GPM6A: variants seen among roughly 807,000 people sequenced by gnomAD.
GPM6A encodes the protein neuronal membrane glycoprotein M6-a.
In GPM6A, 7 loss-of-function variants were observed where a neutral mutation model predicts 32.1. The ratio of observed to expected loss-of-function variants is 0.22; its 90% CI spans 0.12 to 0.41. GPM6A has a LOEUF of 0.41. Ranked by LOEUF, GPM6A falls within the 10% of genes least tolerant of loss-of-function variation. GPM6A has a pLI of 1.00. For synonymous variants in GPM6A, 130 were observed against 123.4 expected (o/e 1.05, Z -0.35); for missense variants, 235 against 347.2 (o/e 0.68, Z 2.57).
intron 1 of GPM6A, among the ~76,000 whole-genome samples, chr4:175,819,718 T>C (rs1206366814): frequency 6.6e-6 from 1 of 152,222 alleles, no homozygotes; most frequent in Non-Finnish European, 1.5e-5. Context: ...ACCACCTGGA[T>C]ATCCGCCTAC....
At chr4:175,892,540 C>A (rs942670140) in intron 1 of GPM6A, among the ~76,000 whole-genome samples, 3 of 152,114 alleles carry the variant, frequency 2.0e-5, no homozygotes, top group Non-Finnish European at 4.4e-5. Flanking sequence ...TCTTTCATTC[C>A]TTTATTCAAT....
intron 1 of GPM6A, among the ~76,000 whole-genome samples, chr4:175,890,331 C>A (rs933595892): frequency 2.0e-5 from 3 of 151,902 alleles, no homozygotes; most frequent in African/African-American, 7.3e-5. Context: ...TATGTATGTA[C>A]GAAAAATATA....
chr4:175,884,336 T>C (rs1001531853), intron 1 of GPM6A, among the ~76,000 whole-genome samples: 4 of 152,214 alleles, frequency 2.6e-5, no homozygotes, highest in Non-Finnish European at 5.9e-5. Context: ...TTTACACATA[T>C]ATTCTGAACA....
chr4:175,979,972 C>T (rs1240138083), intron 1 of GPM6A, among the ~76,000 whole-genome samples: 1 of 152,108 alleles, frequency 6.6e-6, no homozygotes, highest in Non-Finnish European at 1.5e-5. Context: ...ATTATTTCAT[C>T]CAGTAATGAA....
intron 1 of GPM6A, among the ~76,000 whole-genome samples, chr4:175,864,787 A>G (rs985363261): frequency 6.6e-6 from 1 of 151,916 alleles, no homozygotes; most frequent in Non-Finnish European, 1.5e-5. Context: ...CTTTATACCT[A>G]TAATTTTCAT....
intron 1 of GPM6A, among the ~76,000 whole-genome samples, chr4:175,847,036 C>A (rs1191875648): frequency 6.6e-6 from 1 of 152,052 alleles, no homozygotes; most frequent in Non-Finnish European, 1.5e-5. Flanking sequence ...TTAGCTCAAA[C>A]AATACTAAAA....
chr4:175,678,241 T>C (rs767460610), intron 2 of GPM6A, among the ~76,000 whole-genome samples: 3 of 152,154 alleles, frequency 2.0e-5, no homozygotes, highest in African/African-American at 7.2e-5. Context: ...AGGAATTTTA[T>C]TGAAGTGAAG....
In GPM6A at chr4:175,668,274, C is replaced by T. The variant is rs143509681; in HGVS notation, c.387+5406G>A. The stretch of plus-strand genomic sequence containing the variant: ...CTGAAGCGATATACGAGATCTACTT[C>T]AGATACTTGCAGCAAATAAAATCCT... On this transcript the variant is annotated intron_variant, in intron 3 of 6. Coordinates refer to ENST00000393658, the MANE Select transcript of GPM6A (RefSeq NM_201591.3). Among the ~76,000 whole-genome samples the T allele has an allele frequency of 3.8e-3, 579 of 152,208 alleles. 5 individuals carry two copies. The highest frequency in any genetic ancestry group is 0.013 in the African/African-American group (549 of 41,536).
At chr4:175,801,707 G>T (rs962325241) in intron 1 of GPM6A, among the ~76,000 whole-genome samples, 8 of 152,010 alleles carry the variant, frequency 5.3e-5, no homozygotes, top group Admixed American at 5.2e-4. Flanking sequence ...GGGTAATACA[G>T]TTGCCTGAAA....
intron 1 of GPM6A, among the ~76,000 whole-genome samples, chr4:175,726,151 A>G (rs1746396891): frequency 1.0e-5 from 1 of 99,054 alleles, no homozygotes; most frequent in South Asian, 3.7e-4. Context: ...CACCACCACG[A>G]CCAGCTAATT....
chr4:175,846,704 G>C (rs1160546114), intron 1 of GPM6A, among the ~76,000 whole-genome samples: 2 of 152,064 alleles, frequency 1.3e-5, no homozygotes, highest in Non-Finnish European at 2.9e-5. Context: ...CACTGATTCT[G>C]CCAATTTTCA....
intron 1 of GPM6A, among the ~76,000 whole-genome samples, chr4:175,957,816 C>T (rs543685010): frequency 1.3e-5 from 2 of 152,282 alleles, no homozygotes; most frequent in South Asian, 4.2e-4. Flanking sequence ...ACCTTTGTAA[C>T]ATTAATGTAA....
intron 3 of GPM6A, among the ~76,000 whole-genome samples, chr4:175,665,327 G>A (rs775639025): frequency 2.1e-4 from 32 of 152,082 alleles, no homozygotes; most frequent in African/African-American, 5.5e-4. Flanking sequence ...AGGGACTCCC[G>A]AGGGATAGGG....
At chr4:175,833,013 T>G (rs1735661692) in intron 1 of GPM6A, among the ~76,000 whole-genome samples, 1 of 152,324 alleles carries the variant, frequency 6.6e-6, no homozygotes, top group South Asian at 2.1e-4. Flanking sequence ...GCTAGCTTCG[T>G]ACCTCAAAGC....
chr4:175,956,533 G>C (rs1739992534), intron 1 of GPM6A, among the ~76,000 whole-genome samples: 1 of 151,922 alleles, frequency 6.6e-6, no homozygotes, highest in Non-Finnish European at 1.5e-5. Flanking sequence ...TTTTAATTTG[G>C]TTCTGTCAAA....
intron 1 of GPM6A, among the ~76,000 whole-genome samples, chr4:175,940,152 CAGG>C (rs1427169864): frequency 6.6e-6 from 1 of 152,042 alleles, no homozygotes; most frequent in Non-Finnish European, 1.5e-5. Flanking sequence ...GACTTGGAGT[CAGG>C]GGAGTCATAA....
chr4:175,954,803 C>A (rs1320640572), intron 1 of GPM6A, among the ~76,000 whole-genome samples: 1 of 152,120 alleles, frequency 6.6e-6, no homozygotes, highest in Non-Finnish European at 1.5e-5. Flanking sequence ...ATATCTAGGG[C>A]AAGAGTAGAA....
intron 1 of GPM6A, among the ~76,000 whole-genome samples, chr4:175,945,672 T>TAA (rs199920757): frequency 0.055 from 8,020 of 145,526 alleles, 772 homozygotes; most frequent in African/African-American, 0.19. Context: ...TTATAATATA[T>TAA]GTTATAAGTA....
chr4:175,946,170 C>T (rs1739599911), intron 1 of GPM6A, among the ~76,000 whole-genome samples: 1 of 152,100 alleles, frequency 6.6e-6, no homozygotes, highest in South Asian at 2.1e-4. Context: ...AATTAAACTT[C>T]ATTCGAATGT....
Sources: allele counts gnomAD v4.1 joint callset (sites outside exome capture counted in the v4.1 genomes callset), GRCh38; gene constraint gnomAD v4.1.1; transcripts MANE v1.5; gene names NCBI Gene and HGNC (gene_info 2026-07-23, HGNC 2026-07-21).